YWHAE: variants seen among roughly 807,000 people sequenced by gnomAD.
YWHAE encodes 14-3-3 protein epsilon.
Under a neutral mutation model 30.1 loss-of-function variants are expected in YWHAE, and 4 were observed. The ratio of observed to expected loss-of-function variants is 0.13; its 90% CI spans 0.07 to 0.30. The LOEUF (loss-of-function observed/expected upper bound fraction) is 0.30. Among genes scored for constraint, YWHAE ranks in the 10% least tolerant of loss-of-function variants. The pLI, the probability that YWHAE is intolerant of heterozygous loss-of-function variation, is 1.00. For synonymous variants in YWHAE, 118 were observed against 111.8 expected (o/e 1.06, Z -0.35); for missense variants, 121 against 315.9 (o/e 0.38, Z 4.68).
At chr17:1,390,372 C>T (rs969465294) in intron 1 of YWHAE, among the ~76,000 whole-genome samples, 2 of 152,146 alleles carry the variant, frequency 1.3e-5, no homozygotes, top group African/African-American at 2.4e-5. Flanking sequence ...GCATATCTTA[C>T]ATAAGGACTA....
At chr17:1,360,964 A>G in intron 4 of YWHAE, 128 bp downstream of exon 4, 1 of 799,332 alleles carries the variant, frequency 1.3e-6, no homozygotes, top group Non-Finnish European at 2.0e-6. Flanking sequence ...AAGTAGTTTC[A>G]GTAAGAGCCA....
chr17:1,380,322 G>C (rs1028898394), intron 1 of YWHAE, among the ~76,000 whole-genome samples: 2 of 152,082 alleles, frequency 1.3e-5, no homozygotes, highest in Non-Finnish European at 2.9e-5. Flanking sequence ...ATGTTGACCA[G>C]GATGGTCTCG....
intron 4 of YWHAE, among the ~76,000 whole-genome samples, chr17:1,355,367 G>C (rs2072723793): frequency 1.3e-5 from 2 of 151,306 alleles, no homozygotes; most frequent in South Asian, 4.2e-4. Flanking sequence ...CACCGTGTTA[G>C]CCAGGATGGT....
chr17:1,397,431 C>G (rs1248506126), intron 1 of YWHAE, among the ~76,000 whole-genome samples: 1 of 152,184 alleles, frequency 6.6e-6, no homozygotes, highest in African/African-American at 2.4e-5. Context: ...CAGGTTAGCT[C>G]TTCCTCCCGT....
chr17:1,356,076 G>A (rs1017387286), intron 4 of YWHAE, among the ~76,000 whole-genome samples: 1 of 152,154 alleles, frequency 6.6e-6, no homozygotes, highest in Admixed American at 6.5e-5. Flanking sequence ...GGATGAGGCA[G>A]GAGAATGGTG....
chr17:1,358,374 G>A (rs978103780), intron 4 of YWHAE, among the ~76,000 whole-genome samples: 1 of 152,048 alleles, frequency 6.6e-6, no homozygotes, highest in Non-Finnish European at 1.5e-5. Context: ...CGAGTAGCTG[G>A]GACTACAGGC....
chr17:1,350,285 A>C (rs915332050), intron 5 of YWHAE, among the ~76,000 whole-genome samples: 3 of 152,038 alleles, frequency 2.0e-5, no homozygotes, highest in African/African-American at 7.2e-5. Flanking sequence ...CCATTTCCTA[A>C]AACTGTACTC....
intron 1 of YWHAE, among the ~76,000 whole-genome samples, chr17:1,398,492 T>G (rs1343216549): frequency 6.6e-6 from 1 of 152,122 alleles, no homozygotes; most frequent in Non-Finnish European, 1.5e-5. Context: ...GGACTAACCC[T>G]GAGGTTATTC....
intron 1 of YWHAE, among the ~76,000 whole-genome samples, chr17:1,390,189 G>C (rs1381189961): frequency 6.6e-6 from 1 of 152,102 alleles, no homozygotes. Flanking sequence ...TCAGACAAAA[G>C]GTGTTACGTT....
At chr17:1,358,262 C>T (rs962848919) in intron 4 of YWHAE, among the ~76,000 whole-genome samples, 4 of 152,056 alleles carry the variant, frequency 2.6e-5, no homozygotes, top group South Asian at 2.1e-4. Context: ...TTTTTTGAGA[C>T]GGAGTCTCGC....
chr17:1,367,863 T>C (rs1029397132), intron 1 of YWHAE, among the ~76,000 whole-genome samples: 7 of 152,186 alleles, frequency 4.6e-5, no homozygotes, highest in African/African-American at 1.4e-4. Flanking sequence ...GGGGCTTTTG[T>C]GCAAAGGACA....
At chr17:1,399,212 C>G (rs1262303447) in intron 1 of YWHAE, 1 of 152,066 alleles carries the variant, frequency 6.6e-6, no homozygotes, top group Non-Finnish European at 1.5e-5. Flanking sequence ...TCAGAACCCA[C>G]GGGTGATGGA....
chr17:1,346,144 C>T (rs983619104), intron 5 of YWHAE, among the ~76,000 whole-genome samples: 1 of 152,178 alleles, frequency 6.6e-6, no homozygotes, highest in African/African-American at 2.4e-5. Context: ...TTCACTCATG[C>T]TATTTGTCTT....
intron 5 of YWHAE, among the ~76,000 whole-genome samples, chr17:1,349,500 TATAA>T (rs1231539656): frequency 6.6e-6 from 1 of 152,216 alleles, no homozygotes; most frequent in African/African-American, 2.4e-5. Context: ...GGAAGCATTA[TATAA>T]ATAAAAAGTA....
intron 1 of YWHAE, among the ~76,000 whole-genome samples, chr17:1,393,295 T>G (rs1157536895): frequency 6.6e-6 from 1 of 150,414 alleles, no homozygotes; most frequent in African/African-American, 2.4e-5. Flanking sequence ...CACTACAGCC[T>G]GGGTGACCAA....
At chr17:1,367,466 T>C (rs1457108878) in intron 1 of YWHAE, among the ~76,000 whole-genome samples, 1 of 152,148 alleles carries the variant, frequency 6.6e-6, no homozygotes, top group Non-Finnish European at 1.5e-5. Flanking sequence ...TGGTGGTGTG[T>C]GCCTGCGGTC....
intron 1 of YWHAE, among the ~76,000 whole-genome samples, chr17:1,385,532 G>A (rs1403541895): frequency 2.0e-5 from 3 of 152,126 alleles, no homozygotes; most frequent in South Asian, 2.1e-4. Context: ...GACCAGTTTC[G>A]TGGAAGACAA....
intron 4 of YWHAE, among the ~76,000 whole-genome samples, chr17:1,359,950 G>A (rs2072835154): frequency 1.5e-5 from 1 of 67,450 alleles, no homozygotes; most frequent in Non-Finnish European, 2.9e-5. Flanking sequence ...GGGAGGGGGG[G>A]AGAGAGGGGG....
intron 1 of YWHAE, among the ~76,000 whole-genome samples, chr17:1,372,680 CAA>C (rs1375532881): frequency 6.6e-6 from 1 of 152,158 alleles, no homozygotes; most frequent in Non-Finnish European, 1.5e-5. Context: ...AGAACACAAA[CAA>C]GAGCTCACGC....
Sources: gnomAD v4.1 joint callset for allele counts (sites outside exome capture counted in the v4.1 genomes callset) on GRCh38, gnomAD v4.1.1 for gene constraint, MANE v1.5 for transcripts, NCBI Gene and HGNC (gene_info 2026-07-23, HGNC 2026-07-21) for gene names.